PBRM1: variants seen among roughly 807,000 people sequenced by gnomAD.
The protein encoded by PBRM1 is polybromo 1.
In PBRM1, 27 loss-of-function variants were observed where a neutral mutation model predicts 194.5. The ratio of observed to expected loss-of-function variants is 0.14; its 90% CI spans 0.10 to 0.19. The LOEUF is 0.19. Among genes scored for constraint, PBRM1 ranks in the 10% least tolerant of loss-of-function variants. The pLI, the probability that PBRM1 is intolerant of heterozygous loss-of-function variation, is 1.00. For synonymous variants in PBRM1, 655 were observed against 693.2 expected (o/e 0.94, Z 0.87); for missense variants, 1,466 against 2,077.2 (o/e 0.71, Z 5.72).
At position 52,671,902 on chromosome 3, in the gene PBRM1, C is replaced by T. The variant is rs188140609; in HGVS notation, c.237-3257G>A. On this transcript the variant is annotated intron_variant, in intron 2 of 29. Transcript: ENST00000296302. ...TCCAGTTCAACTTAGAGCTTGGTAACTACCCACTGTAGCATCAACAATCAT... is the reference window on the plus strand; with the variant it reads ...TCCAGTTCAACTTAGAGCTTGGTAATTACCCACTGTAGCATCAACAATCAT... Among the ~76,000 whole-genome samples, 558 of 152,314 alleles carry T rather than the reference C, an allele frequency of 3.7e-3. 9 individuals carry two copies. Among genetic ancestry groups the T allele is most frequent in the Non-Finnish European group, 5.9e-4 (40 of 68,040 alleles).
intron 10 of PBRM1, among the ~76,000 whole-genome samples, chr3:52,639,508 C>G (rs928918730): frequency 1.3e-5 from 2 of 151,860 alleles, no homozygotes; most frequent in Non-Finnish European, 2.9e-5. Context: ...CTCAACCTCC[C>G]AGGCTCAAGT....
intron 5 of PBRM1, among the ~76,000 whole-genome samples, chr3:52,654,929 C>T (rs1183520364): frequency 6.6e-6 from 1 of 152,104 alleles, no homozygotes; most frequent in Non-Finnish European, 1.5e-5. Context: ...GCTGTGACTA[C>T]AGGTGCACAC....
chr3:52,616,806 T>C (rs1576809988), intron 14 of PBRM1, among the ~76,000 whole-genome samples: 1 of 152,248 alleles, frequency 6.6e-6, no homozygotes, highest in African/African-American at 2.4e-5. Context: ...ATATAGGCTG[T>C]CTTTGGAGAA....
chr3:52,674,646 AT>A (rs2097053451), intron 2 of PBRM1, among the ~76,000 whole-genome samples: 19 of 62,878 alleles, frequency 3.0e-4, no homozygotes, highest in Admixed American at 6.7e-4. Flanking sequence ...AAAAAAAAAT[AT>A]ATATATATAT....
At chr3:52,678,412 C>A in intron 2 of PBRM1, 88 bp downstream of exon 3, 2 of 814,760 alleles carry the variant, frequency 2.5e-6, no homozygotes, top group Non-Finnish European at 2.1e-6. Flanking sequence ...CCATTCCTGC[C>A]AACAAAAAGC....
At chr3:52,654,429 T>A (rs2096569412) in intron 5 of PBRM1, among the ~76,000 whole-genome samples, 1 of 152,132 alleles carries the variant, frequency 6.6e-6, no homozygotes, top group Admixed American at 6.5e-5. Flanking sequence ...ACAAAGTAAT[T>A]CAAAGTCATC....
intron 15 of PBRM1, among the ~76,000 whole-genome samples, chr3:52,610,362 T>C (rs752807265): frequency 2.0e-5 from 3 of 152,244 alleles, no homozygotes; most frequent in Non-Finnish European, 4.4e-5. Flanking sequence ...ACTTATGATG[T>C]AATTTATCTT....
chr3:52,628,566 G>A (rs2095518900), intron 12 of PBRM1, among the ~76,000 whole-genome samples: 1 of 151,710 alleles, frequency 6.6e-6, no homozygotes, highest in African/African-American at 2.4e-5. Context: ...CACTTCCCAG[G>A]CTTAAGCAAC....
chr3:52,558,523 T>C lies in PBRM1; in HGVS notation c.4289-110A>G, dbSNP rs1461354544. The C allele has an allele frequency of 7.5e-6, 7 of 932,654 alleles. No homozygotes were observed. The East Asian group carries it at 8.2e-5, about 11-fold the overall frequency. The allele number at this position is 932,654 out of a possible 1,614,324, so 57.8% of individuals were successfully genotyped here. ...AACACAGGCAACAGTTCTGTCTCAA[T>C]GGAAGGAACAGTAGATGACTAGTCT... On this transcript the variant is annotated intron_variant, in intron 25 of 29. Coordinates refer to ENST00000296302, the Ensembl canonical transcript of PBRM1.
chr3:52,580,296 T>C (rs1476535713), intron 20 of PBRM1, among the ~76,000 whole-genome samples: 1 of 152,166 alleles, frequency 6.6e-6, no homozygotes, highest in East Asian at 1.9e-4. Flanking sequence ...TTTTACTATT[T>C]TGATTTATTC....
At chr3:52,612,569 G>C (rs758902794) in intron 15 of PBRM1, among the ~76,000 whole-genome samples, 2 of 152,096 alleles carry the variant, frequency 1.3e-5, no homozygotes, top group African/African-American at 2.4e-5. Flanking sequence ...CTGGCATGTG[G>C]AAAGAAAAGG....
intron 22 of PBRM1, among the ~76,000 whole-genome samples, chr3:52,575,482 C>T (rs951317712): frequency 2.8e-5 from 4 of 142,522 alleles, no homozygotes; most frequent in Admixed American, 7.0e-5. Flanking sequence ...ACTGGATTTA[C>T]TAAACACATA....
At chr3:52,589,321 T>A (rs1375322846) in intron 17 of PBRM1, 66 bp from the exon 20 acceptor site, 2 of 1,052,594 alleles carry the variant, frequency 1.9e-6, no homozygotes, top group Non-Finnish European at 2.7e-6. Flanking sequence ...AAGTCAGATG[T>A]AGGGTTCAAA....
chr3:52,648,487 C>T (rs958707764), intron 6 of PBRM1, 45 bp from the exon 8 acceptor site: 12 of 1,024,290 alleles, frequency 1.2e-5, no homozygotes, highest in African/African-American at 1.6e-5. Flanking sequence ...AATGAGAGTT[C>T]ATCAGTACAA....
At position 52,651,928 on chromosome 3, in the gene PBRM1, C is replaced by T; in HGVS notation, c.646-118G>A. The T allele has an allele frequency of 1.2e-5, 8 of 652,124 alleles. No homozygotes were observed. In the South Asian group the frequency reaches 1.6e-4, roughly 13 times the overall value. The allele number at this position is 652,124 out of a possible 1,614,324, so 40.4% of individuals were successfully genotyped here. On this transcript the variant is annotated intron_variant, in intron 5 of 29. Transcript: ENST00000296302. ...ACCAGTGAAGCAGCTTTGTGAGATT[C>T]AAGACTAAAGACATGGCTGTACAGC...
chr3:52,576,852 C>T (rs2089750981), intron 21 of PBRM1, among the ~76,000 whole-genome samples, 154 bp from the exon 24 acceptor site: 1 of 152,012 alleles, frequency 6.6e-6, no homozygotes, highest in Non-Finnish European at 1.5e-5. Flanking sequence ...AATTTTTTCC[C>T]CCATTAAACA....
At chr3:52,628,787 A>T in intron 12 of PBRM1, 107 bp downstream of exon 13, 1 of 995,092 alleles carries the variant, frequency 1.0e-6, no homozygotes, top group Non-Finnish European at 1.6e-6. Context: ...ATGTAATATT[A>T]CTGCTGAGGG....
rs531572655 is a variant in PBRM1, at chr3:52,603,796, T to C, written c.2568-64A>G. ...GTTTCTTTTAAACACCTCAATTATA[T>C]GTTAAATTCTATTAAATGCTTCTTT... On this transcript the variant is annotated intron_variant, in intron 16 of 29. Transcript: ENST00000296302. 5 of 1,367,362 alleles carry C rather than the reference T, an allele frequency of 3.7e-6. No homozygotes were observed. In the East Asian group the frequency reaches 9.7e-5, roughly 27 times the overall value. The allele number at this position is 1,367,362 out of a possible 1,614,324, so 84.7% of individuals were successfully genotyped here. A position where few individuals can be genotyped will look rare whatever the true frequency, so the allele number is the denominator to read the frequency against.
intron 18 of PBRM1, among the ~76,000 whole-genome samples, chr3:52,588,552 C>CTTTT (rs36058575): frequency 5.1e-3 from 560 of 109,892 alleles, no homozygotes; most frequent in Non-Finnish European, 6.4e-3. Flanking sequence ...GTATTTCTTT[C>CTTTT]TTTTTTTTTT....
Sources: allele counts gnomAD v4.1 joint callset (sites outside exome capture counted in the v4.1 genomes callset), GRCh38; gene constraint gnomAD v4.1.1; transcripts MANE v1.5; gene names NCBI Gene and HGNC (gene_info 2026-07-23, HGNC 2026-07-21).